AZIN2: variants seen among roughly 807,000 people sequenced by gnomAD.
AZIN2 encodes ODC antizyme inhibitor-2.
Under a neutral mutation model 47.8 loss-of-function variants are expected in AZIN2, and 28 were observed. The ratio of observed to expected loss-of-function variants is 0.59; its 90% CI spans 0.43 to 0.80. AZIN2 has a LOEUF of 0.80. Ranked by LOEUF, AZIN2 falls within the 30% of genes least tolerant of loss-of-function variation. AZIN2 has a pLI of 0.00. For synonymous variants in AZIN2, 221 were observed against 239.4 expected, an observed-to-expected ratio of 0.92 and a Z score of 0.71; for missense variants, 535 against 582.5, an observed-to-expected ratio of 0.92 and a Z score of 0.84.
At chr1:33,165,603 C>A in the AZIN2 span, 1 of 1,548,646 alleles carries the variant, frequency 6.5e-7, no homozygotes, top group Non-Finnish European at 8.8e-7. The surrounding 1 kb of genome is among the most constrained non-coding windows in gnomAD (Gnocchi z 4.0). Context: ...GGGCAGGGGC[C>A]ATGCCTGGCC....
At chr1:33,092,404 C>T (rs1642664246) in intron 6 of AZIN2, among the ~76,000 whole-genome samples, 182 bp downstream of exon 6, 1 of 151,562 alleles carries the variant, frequency 6.6e-6, no homozygotes, top group Admixed American at 6.6e-5. Flanking sequence ...TGGACCCAGC[C>T]ACAGTTGCAG....
chr1:33,159,344 G>T, the AZIN2 span, among the ~76,000 whole-genome samples: 1 of 151,962 alleles, frequency 6.6e-6, no homozygotes, highest in East Asian at 1.9e-4. This position sits in a 1 kb window ranked among gnomAD's most constrained non-coding sequence, Gnocchi z 4.2. Context: ...AATGTATACA[G>T]AATATATTAC....
At chr1:33,092,264 G>T (rs1205909031) in intron 6 of AZIN2, 42 bp downstream of exon 6, 1 of 1,536,350 alleles carries the variant, frequency 6.5e-7, no homozygotes, top group Non-Finnish European at 8.8e-7. Flanking sequence ...GCTGTGGGGA[G>T]CCTGGGCTGT....
At chr1:33,103,458 C>G (rs1348839956) in intron 10 of AZIN2, among the ~76,000 whole-genome samples, 1 of 152,158 alleles carries the variant, frequency 6.6e-6, no homozygotes, top group Non-Finnish European at 1.5e-5. Flanking sequence ...GCTGTATTCT[C>G]TTTCTTATGT....
the AZIN2 span, among the ~76,000 whole-genome samples, chr1:33,160,402 TTTA>T: frequency 2.4e-3 from 371 of 151,972 alleles, no homozygotes; most frequent in Non-Finnish European, 3.9e-3. Context: ...TTTTTTTGCT[TTTA>T]TTATTATTAG....
the AZIN2 span, among the ~76,000 whole-genome samples, chr1:33,158,846 C>T: frequency 2.0e-4 from 29 of 145,624 alleles, no homozygotes; most frequent in Admixed American, 5.5e-4. Context: ...TCTTTTTTTT[C>T]TTTTTTTTTT....
At chr1:33,104,974 A>G (rs1208042754) in intron 10 of AZIN2, among the ~76,000 whole-genome samples, 2 of 152,238 alleles carry the variant, frequency 1.3e-5, no homozygotes, top group South Asian at 2.1e-4. Flanking sequence ...GACATGAGCC[A>G]CCACGCCTGA....
intron 10 of AZIN2, among the ~76,000 whole-genome samples, chr1:33,109,607 G>A (rs1644193832): frequency 6.6e-6 from 1 of 152,090 alleles, no homozygotes; most frequent in African/African-American, 2.4e-5. Context: ...GGGATTACAG[G>A]TGTGAGTCAC....
chr1:33,111,882 C>T (rs1334350346), intron 10 of AZIN2, among the ~76,000 whole-genome samples: 3 of 152,030 alleles, frequency 2.0e-5, no homozygotes, highest in Non-Finnish European at 4.4e-5. Context: ...GGATTACAGG[C>T]GTGAACCACG....
the AZIN2 span, among the ~76,000 whole-genome samples, chr1:33,156,981 C>T: frequency 2.1e-5 from 3 of 142,000 alleles, no homozygotes; most frequent in Admixed American, 7.2e-5. Context: ...TCACCTCTTG[C>T]CTGGATTATG....
the AZIN2 span, among the ~76,000 whole-genome samples, chr1:33,161,622 C>T: frequency 6.6e-6 from 1 of 152,144 alleles, no homozygotes; most frequent in Non-Finnish European, 1.5e-5. This position sits in a 1 kb window ranked among gnomAD's most constrained non-coding sequence, Gnocchi z 4.3. Context: ...GGATGCACGG[C>T]CAGGCTGCCG....
At position 33,084,135 on chromosome 1, in the gene AZIN2, C is replaced by G. The variant is rs762890679; in HGVS notation, c.279+8C>G. 1.2e-6 allele frequency: 2 copies of G among 1,607,628 alleles called. No homozygotes were observed. The highest frequency in any genetic ancestry group is 3.3e-5 in the Admixed American group (2 of 60,004). ...TTTAGCTGTGCCAACAAGGTGAGCC[C>G]TGCCCGCACGGTGCACTGACCCTCC... is the stretch of plus-strand genomic sequence containing the variant. On this transcript the variant is annotated splice_region_variant and intron_variant, in intron 5 of 11. Transcript: ENST00000294517.
At chr1:33,155,944 T>C in the AZIN2 span, among the ~76,000 whole-genome samples, 1 of 152,358 alleles carries the variant, frequency 6.6e-6, no homozygotes, top group Non-Finnish European at 1.5e-5. Context: ...TCTCCGCTGA[T>C]GATCTTGCTT....
chr1:33,149,791 C>T, the AZIN2 span, among the ~76,000 whole-genome samples: 4 of 152,254 alleles, frequency 2.6e-5, no homozygotes, highest in African/African-American at 4.8e-5. Flanking sequence ...CTGATACTGG[C>T]GTGGGGTATT....
the AZIN2 span, chr1:33,141,813 T>C: frequency 5.9e-6 from 1 of 170,328 alleles, no homozygotes; most frequent in Non-Finnish European, 1.3e-5. Context: ...AACCTGCACG[T>C]CCTGCACATG....
At chr1:33,136,874 G>A in the AZIN2 span, among the ~76,000 whole-genome samples, 1 of 151,766 alleles carries the variant, frequency 6.6e-6, no homozygotes, top group East Asian at 2.0e-4. Flanking sequence ...GTGCGTGCTT[G>A]TAGTCCCAGC....
chr1:33,125,708 A>C (rs1439907306), downstream of AZIN2, among the ~76,000 whole-genome samples: 10 of 152,170 alleles, frequency 6.6e-5, 1 homozygote, highest in Admixed American at 6.5e-4. Context: ...GAAAGCTATC[A>C]TATTGGAATC....
chr1:33,146,878 G>T, the AZIN2 span: 1 of 433,758 alleles, frequency 2.3e-6, no homozygotes, highest in Non-Finnish European at 4.2e-6. Context: ...GTAGTCCCCT[G>T]CCCCTGAGAA....
chr1:33,088,588 C>T (rs184111052), intron 5 of AZIN2, among the ~76,000 whole-genome samples: 2 of 152,324 alleles, frequency 1.3e-5, no homozygotes, highest in East Asian at 1.9e-4. Flanking sequence ...GTTTCCTTGG[C>T]AGCTCTGCCC....
Sources: allele counts gnomAD v4.1 joint callset (sites outside exome capture counted in the v4.1 genomes callset), GRCh38; gene constraint gnomAD v4.1.1; non-coding constraint Gnocchi (gnomAD v3.1); transcripts MANE v1.5; gene names NCBI Gene and HGNC (gene_info 2026-07-23, HGNC 2026-07-21).